The following SGCD variants were observed in gnomAD, a reference collection of about 807,000 sequenced individuals.
SGCD encodes the protein sarcoglycan delta, also known as delta-sarcoglycan.
SGCD carries 18 observed loss-of-function variants against 36.6 expected under a neutral mutation model. The observed-to-expected ratio is 0.49, with a 90% CI of 0.34 to 0.73. The LOEUF (loss-of-function observed/expected upper bound fraction) is 0.73. Ranked by LOEUF, SGCD falls within the 30% of genes least tolerant of loss-of-function variation. The probability of loss-of-function intolerance (pLI) is 0.01; values close to 1 mark genes in which losing one functional copy is unlikely to be tolerated. For missense variants in SGCD, 387 were observed against 346.7 expected, an observed-to-expected ratio of 1.12 and a Z score of -0.92; for synonymous variants, 133 against 130.6, an observed-to-expected ratio of 1.02 and a Z score of -0.12.
chr5:156,207,816 T>G (rs1379191724), intron 3 of SGCD, among the ~76,000 whole-genome samples: 2 of 152,016 alleles, frequency 1.3e-5, no homozygotes, highest in Admixed American at 1.3e-4. Flanking sequence ...CAACAAAAAT[T>G]TTATATATAT....
At chr5:156,635,954 G>A (rs556514195) in intron 6 of SGCD, among the ~76,000 whole-genome samples, 16 of 152,182 alleles carry the variant, frequency 1.1e-4, no homozygotes, top group African/African-American at 3.6e-4. Flanking sequence ...GTTAATGGGT[G>A]CAGCACACCA....
At chr5:155,973,993 A>G (rs180707935) in intron 1 of SGCD, among the ~76,000 whole-genome samples, 2 of 152,168 alleles carry the variant, frequency 1.3e-5, no homozygotes, top group African/African-American at 4.8e-5. Context: ...ACTGAGTAAA[A>G]CTGCCATTAA....
intron 4 of SGCD, among the ~76,000 whole-genome samples, chr5:156,514,480 CTT>C (rs1318875372): frequency 6.6e-6 from 1 of 152,116 alleles, no homozygotes; most frequent in Non-Finnish European, 1.5e-5. Flanking sequence ...AGAAAGAAAA[CTT>C]GAATGGATCA....
chr5:156,670,663 T>A (rs966006006), intron 7 of SGCD, among the ~76,000 whole-genome samples: 6 of 152,238 alleles, frequency 3.9e-5, no homozygotes, highest in Admixed American at 6.5e-5. Flanking sequence ...GTACATTTTT[T>A]AAAAATATCA....
intron 6 of SGCD, among the ~76,000 whole-genome samples, chr5:156,621,078 C>A (rs1183599409): frequency 2.0e-5 from 3 of 152,226 alleles, no homozygotes; most frequent in African/African-American, 7.2e-5. Context: ...GAAAGAAATT[C>A]AGTCACATTC....
At chr5:156,469,148 A>C (rs1055900586) in intron 3 of SGCD, among the ~76,000 whole-genome samples, 1 of 152,170 alleles carries the variant, frequency 6.6e-6, no homozygotes, top group Admixed American at 6.5e-5. Context: ...CATGAAGAGC[A>C]TATAAATCCT....
intron 3 of SGCD, among the ~76,000 whole-genome samples, chr5:156,306,037 T>A (rs1325476117): frequency 6.6e-6 from 1 of 152,214 alleles, no homozygotes; most frequent in African/African-American, 2.4e-5. Flanking sequence ...ACTTGCCTTG[T>A]CCCAGATGAG....
intron 3 of SGCD, among the ~76,000 whole-genome samples, chr5:156,454,970 C>G (rs1383442406): frequency 6.6e-6 from 1 of 152,132 alleles, no homozygotes; most frequent in African/African-American, 2.4e-5. Context: ...GAAGAACCTC[C>G]CTTCTGCAAT....
chr5:156,535,952 G>A (rs920126684), intron 4 of SGCD, among the ~76,000 whole-genome samples: 1 of 152,122 alleles, frequency 6.6e-6, no homozygotes, highest in African/African-American at 2.4e-5. Flanking sequence ...AAAAAATACT[G>A]CAGTGAGTTG....
At chr5:156,197,855 T>C (rs1764057089) in intron 3 of SGCD, among the ~76,000 whole-genome samples, 1 of 152,270 alleles carries the variant, frequency 6.6e-6, no homozygotes, top group Middle Eastern at 3.4e-3. Context: ...TACAATGTGA[T>C]GTTTTGATAT....
At chr5:156,586,420 T>A (rs943355100) in intron 4 of SGCD, among the ~76,000 whole-genome samples, 1 of 152,204 alleles carries the variant, frequency 6.6e-6, no homozygotes, top group Admixed American at 6.5e-5. Flanking sequence ...TGGTCAGATA[T>A]CTCAAATGTA....
intron 3 of SGCD, among the ~76,000 whole-genome samples, chr5:156,266,367 T>A (rs1765999966): frequency 6.6e-6 from 1 of 152,250 alleles, no homozygotes; most frequent in Non-Finnish European, 1.5e-5. Flanking sequence ...GTTAAACCAG[T>A]AATGTCAAAA....
Position 155,955,424 on chromosome 5 carries a change from A to AT in SGCD, c.-282+85001dup, listed in dbSNP as rs1284465954. ...AACTAGGGTTGGCTTATAGTTAATC[A>AT]TATACAACACAGCATGAAATAGTTC... On this transcript the variant is annotated intron_variant, in intron 1 of 9. Transcript: ENST00000517913. Among the ~76,000 whole-genome samples, 3 of 152,292 alleles carry AT rather than the reference A, an allele frequency of 2.0e-5. No individual in the cohort carries two copies. The South Asian group carries it at 6.2e-4, about 32-fold the overall frequency.
chr5:156,589,126 G>A, intron 4 of SGCD, 105 bp from the exon 5 acceptor site: 1 of 730,388 alleles, frequency 1.4e-6, no homozygotes, highest in Non-Finnish European at 2.3e-6. Flanking sequence ...CACATTGATT[G>A]GAACTTGGCT....
rs375570235 is a variant in SGCD, at chr5:156,073,117, A to G, written c.-281-44761A>G. ...CGGAGTAGTTTGGTCATCTGAAGAGAATATGGCCATTATGACCCACCTCCC... is the reference window on the plus strand; with the variant it reads ...CGGAGTAGTTTGGTCATCTGAAGAGGATATGGCCATTATGACCCACCTCCC... On this transcript the variant is annotated intron_variant, in intron 1 of 9. Coordinates refer to the SGCD transcript ENST00000517913. Among the ~76,000 whole-genome samples the G allele has an allele frequency of 1.5e-4, 23 of 152,188 alleles. No individual in the cohort carries two copies. The South Asian group carries it at 2.5e-3, about 16-fold the overall frequency.
chr5:156,083,159 CAA>C (rs1166118063), intron 1 of SGCD, among the ~76,000 whole-genome samples: 1 of 151,886 alleles, frequency 6.6e-6, no homozygotes, highest in Non-Finnish European at 1.5e-5. Context: ...TGTATATATT[CAA>C]GATACTAGTT....
At chr5:156,634,316 A>C (rs1762743010) in intron 6 of SGCD, among the ~76,000 whole-genome samples, 1 of 152,174 alleles carries the variant, frequency 6.6e-6, no homozygotes, top group Admixed American at 6.5e-5. Flanking sequence ...TGCTGAGCTT[A>C]ATTCCTGGGT....
At chr5:156,197,989 G>C (rs1764060881) in intron 3 of SGCD, among the ~76,000 whole-genome samples, 1 of 151,926 alleles carries the variant, frequency 6.6e-6, no homozygotes, top group Non-Finnish European at 1.5e-5. Flanking sequence ...CAAATATGTT[G>C]GCTCTCACTT....
intron 1 of SGCD, among the ~76,000 whole-genome samples, chr5:156,073,569 G>T (rs979438054): frequency 4.6e-5 from 7 of 152,094 alleles, no homozygotes; most frequent in Non-Finnish European, 7.4e-5. Context: ...TCTCAAAAAG[G>T]TAAAATAAAT....
Sources: gnomAD v4.1 joint callset for allele counts (sites outside exome capture counted in the v4.1 genomes callset) on GRCh38, gnomAD v4.1.1 for gene constraint, MANE v1.5 for transcripts, NCBI Gene and HGNC (gene_info 2026-07-23, HGNC 2026-07-21) for gene names.